The following TPTE2 variants were observed in gnomAD, a reference collection of about 807,000 sequenced individuals.
TPTE2 encodes the protein transmembrane phosphoinositide 3-phosphatase and tensin homolog 2.
Under a neutral mutation model 78.6 loss-of-function variants are expected in TPTE2, and 53 were observed. The observed-to-expected ratio is 0.67, with a 90% confidence interval of 0.54 to 0.85. TPTE2 has a LOEUF of 0.85. Ranked by LOEUF, TPTE2 falls within the 40% of genes least tolerant of loss-of-function variation. TPTE2 has a pLI of 0.00. For missense variants in TPTE2, 461 were observed against 623.0 expected (o/e 0.74, Z 2.77); for synonymous variants, 175 against 206.2 (o/e 0.85, Z 1.30).
intron 4 of TPTE2, among the ~76,000 whole-genome samples, chr13:19,480,303 T>C (rs1416741102): frequency 3.9e-5 from 6 of 152,080 alleles, no homozygotes; most frequent in Non-Finnish European, 8.8e-5. Flanking sequence ...AAGGACAATA[T>C]AGGGGGATGA....
intron 15 of TPTE2, among the ~76,000 whole-genome samples, chr13:19,433,077 A>G (rs1279989646): frequency 1.3e-5 from 2 of 152,078 alleles, no homozygotes; most frequent in Non-Finnish European, 2.9e-5. Context: ...CATTTCCTCA[A>G]TTCTGTTTTC....
At chr13:19,548,667 G>T in the TPTE2 span, among the ~76,000 whole-genome samples, 1 of 151,324 alleles carries the variant, frequency 6.6e-6, no homozygotes, top group African/African-American at 2.4e-5. Flanking sequence ...ATATGCAGAA[G>T]ACTGAAATTG....
chr13:19,507,706 G>C (rs1869165615), upstream of TPTE2, among the ~76,000 whole-genome samples: 2 of 152,198 alleles, frequency 1.3e-5, no homozygotes, highest in South Asian at 4.1e-4. Context: ...ACTTGTAACA[G>C]ATAGCTGTGT....
chr13:19,437,698 A>G lies in TPTE2; in HGVS notation c.1035+394T>C, dbSNP rs1271457419. On this transcript the variant is annotated intron_variant, in intron 14 of 19. Coordinates refer to ENST00000400230, the Ensembl canonical transcript of TPTE2. ...TGAATGTTTTTTTCTGTGTAACATG[A>G]CTTTACTCCCCTCACCTTAATCCTG... Among the ~76,000 whole-genome samples the G allele has an allele frequency of 3.3e-5, 5 of 152,240 alleles. No homozygotes were observed. In the East Asian group the frequency reaches 9.6e-4, roughly 29 times the overall value.
At chr13:19,450,740 A>G (rs567972583) in intron 11 of TPTE2, among the ~76,000 whole-genome samples, 1 of 152,206 alleles carries the variant, frequency 6.6e-6, no homozygotes, top group African/African-American at 2.4e-5. Context: ...ACTGGGTTAC[A>G]ACCTATTTTC....
At chr13:19,545,762 A>T in the TPTE2 span, among the ~76,000 whole-genome samples, 1 of 152,218 alleles carries the variant, frequency 6.6e-6, no homozygotes, top group Non-Finnish European at 1.5e-5. Flanking sequence ...GTATTAATAA[A>T]CATTCAAAGA....
At chr13:19,447,952 C>G (rs1256565857) in intron 13 of TPTE2, among the ~76,000 whole-genome samples, 2 of 152,054 alleles carry the variant, frequency 1.3e-5, no homozygotes, top group Non-Finnish European at 2.9e-5. Flanking sequence ...AGTTTAAGAA[C>G]AACCTTAAAT....
upstream of TPTE2, among the ~76,000 whole-genome samples, chr13:19,504,148 G>A (rs191336673): frequency 5.9e-5 from 9 of 152,152 alleles, no homozygotes; most frequent in Admixed American, 3.3e-4. Context: ...TATATGTATC[G>A]TCCAACACCA....
intron 6 of TPTE2, among the ~76,000 whole-genome samples, chr13:19,473,112 G>T (rs1255868982): frequency 2.0e-5 from 3 of 152,198 alleles, no homozygotes; most frequent in Non-Finnish European, 4.4e-5. Context: ...AGTGACACAA[G>T]CACCCCTGTG....
At position 19,473,897 on chromosome 13, in the gene TPTE2, A is replaced by G. The variant is rs1879780762; in HGVS notation, c.392+17T>C. ...GTACAAAATAGCTTAATGCATTATA[A>G]AAATAATCAAACTTACCCTTCTACA... On this transcript the variant is annotated intron_variant, in intron 6 of 19. Coordinates refer to ENST00000400230, the Ensembl canonical transcript of TPTE2. 6.3e-7 allele frequency: 1 copy of G among 1,576,664 alleles called. No individual in the cohort carries two copies. Among genetic ancestry groups the G allele is most frequent in the South Asian group, 1.2e-5 (1 of 84,408 alleles).
In TPTE2 at chr13:19,451,528, A is replaced by T. The variant is rs555773131; in HGVS notation, c.742-303T>A. On this transcript the variant is annotated intron_variant, in intron 10 of 19. Transcript: ENST00000400230. The stretch of plus-strand genomic sequence containing the variant: ...TTTAAGTAATTTGTTCTAAATCATT[A>T]ATTCACAGTTAATATGGTTCTTGTT... Among the ~76,000 whole-genome samples the T allele has an allele frequency of 5.6e-4, 86 of 152,326 alleles. 2 individuals carry two copies. In the South Asian group the frequency reaches 0.013, roughly 23 times the overall value.
exon 6 of TPTE2, chr13:19,473,915 C>T: frequency 4.4e-6 from 7 of 1,596,160 alleles, no homozygotes; most frequent in Non-Finnish European, 6.0e-6. Flanking sequence ...CAAACTTACC[C>T]TTCTACAAAT....
At chr13:19,451,266 C>A (rs2497236) in intron 10 of TPTE2, 41 bp from the exon 14 acceptor site, 1 of 1,610,818 alleles carries the variant, frequency 6.2e-7, no homozygotes. Flanking sequence ...TTACATGGCA[C>A]CAACACAAGC....
intron 1 of TPTE2, among the ~76,000 whole-genome samples, chr13:19,524,932 G>A (rs1461979312): frequency 6.6e-6 from 1 of 152,298 alleles, no homozygotes; most frequent in African/African-American, 2.4e-5. Context: ...AGTAACAGGA[G>A]ATGCCTGCAC....
chr13:19,460,273 A>G (rs987273721), intron 10 of TPTE2, among the ~76,000 whole-genome samples: 23 of 152,202 alleles, frequency 1.5e-4, no homozygotes, highest in African/African-American at 5.5e-4. Flanking sequence ...GCAGGACTGC[A>G]CACTCACTGC....
At chr13:19,508,770 T>C (rs1305874453) in intron 1 of TPTE2, among the ~76,000 whole-genome samples, 3 of 152,162 alleles carry the variant, frequency 2.0e-5, no homozygotes, top group Non-Finnish European at 4.4e-5. Flanking sequence ...TTTATGATGA[T>C]AAATTTCCCA....
At chr13:19,506,546 G>T (rs376357302), upstream of TPTE2, among the ~76,000 whole-genome samples, 37 of 152,178 alleles carry the variant, frequency 2.4e-4, no homozygotes, top group African/African-American at 8.7e-4. Flanking sequence ...AATTGGCTGT[G>T]GGCTGAGGAA....
intron 13 of TPTE2, among the ~76,000 whole-genome samples, 173 bp downstream of exon 16, chr13:19,449,903 C>T (rs1172564729): frequency 3.3e-5 from 5 of 152,058 alleles, no homozygotes; most frequent in Non-Finnish European, 7.4e-5. Context: ...TATCTCCTAC[C>T]CTTCCTCCTC....
chr13:19,454,773 A>G (rs1878436146), intron 10 of TPTE2, among the ~76,000 whole-genome samples: 1 of 152,198 alleles, frequency 6.6e-6, no homozygotes, highest in African/African-American at 2.4e-5. Flanking sequence ...ACATGCTAAA[A>G]GTTTTTGGCT....
Sources: gnomAD v4.1 joint callset for allele counts (sites outside exome capture counted in the v4.1 genomes callset) on GRCh38, gnomAD v4.1.1 for gene constraint, MANE v1.5 for transcripts, NCBI Gene and HGNC (gene_info 2026-07-23, HGNC 2026-07-21) for gene names.